The following SLC25A12 variants were observed in gnomAD, a reference collection of about 807,000 sequenced individuals.
SLC25A12 encodes the protein electrogenic aspartate/glutamate antiporter SLC25A12, mitochondrial.
Under a neutral mutation model 83.3 loss-of-function variants are expected in SLC25A12, and 32 were observed. The ratio of observed to expected loss-of-function variants is 0.38; its 90% CI spans 0.29 to 0.52. SLC25A12 has a LOEUF of 0.52. Among genes scored for constraint, SLC25A12 ranks in the 20% least tolerant of loss-of-function variants. The probability of loss-of-function intolerance (pLI) is 0.84; values close to 1 mark genes in which losing one functional copy is unlikely to be tolerated. For synonymous variants in SLC25A12, 267 were observed against 291.1 expected (o/e 0.92, Z 0.84); for missense variants, 611 against 835.6 (o/e 0.73, Z 3.31).
At chr2:171,868,438 C>T (rs1347837646) in intron 3 of SLC25A12, among the ~76,000 whole-genome samples, 4 of 151,634 alleles carry the variant, frequency 2.6e-5, no homozygotes, top group Non-Finnish European at 2.9e-5. Flanking sequence ...CTCAGCCTCC[C>T]GAGTAGCTGG....
intron 2 of SLC25A12, among the ~76,000 whole-genome samples, chr2:171,875,501 GGAGA>G (rs944448615): frequency 2.6e-5 from 4 of 152,060 alleles, no homozygotes; most frequent in Admixed American, 6.6e-5. Context: ...ATTAGAGCGG[GGAGA>G]GAGAGAAAGG....
chr2:171,887,268 C>T (rs961274086), intron 2 of SLC25A12, among the ~76,000 whole-genome samples: 4 of 152,018 alleles, frequency 2.6e-5, no homozygotes, highest in Non-Finnish European at 5.9e-5. Flanking sequence ...TAAAATAAGA[C>T]AGGAAAAAAG....
At chr2:171,808,893 C>T (rs1683892495) in intron 13 of SLC25A12, among the ~76,000 whole-genome samples, 1 of 151,662 alleles carries the variant, frequency 6.6e-6, no homozygotes, top group African/African-American at 2.4e-5. Flanking sequence ...TGTGATGCTC[C>T]CTGCCCTGTG....
chr2:171,880,938 A>C (rs1299529100), intron 2 of SLC25A12, among the ~76,000 whole-genome samples: 1 of 152,194 alleles, frequency 6.6e-6, no homozygotes, highest in South Asian at 2.1e-4. Flanking sequence ...ATATCCTTGA[A>C]CAAGCTACTT....
intron 8 of SLC25A12, among the ~76,000 whole-genome samples, chr2:171,828,532 C>T (rs2105880543): frequency 6.6e-6 from 1 of 152,286 alleles, no homozygotes; most frequent in South Asian, 2.1e-4. Context: ...TTTGTCATCA[C>T]CAGATTATTT....
rs1470917703 is a variant in SLC25A12, at chr2:171,881,814, G to A, written c.66+11391C>T. 4.6e-5 allele frequency among the ~76,000 whole-genome samples: 7 copies of A among 152,166 alleles called. No homozygotes were observed. In the South Asian group the frequency reaches 1.2e-3, roughly 27 times the overall value. On this transcript the variant is annotated intron_variant, in intron 2 of 17. Coordinates refer to ENST00000422440, the MANE Select transcript of SLC25A12 (RefSeq NM_003705.5). ...GCAATCTGTGTTGAACAGATCTGCT[G>A]AAAATAATGAGCCATGGGATGGGAG...
At chr2:171,859,437 A>T (rs1106128) in intron 3 of SLC25A12, among the ~76,000 whole-genome samples, 238 of 152,304 alleles carry the variant, frequency 1.6e-3, no homozygotes, top group African/African-American at 5.6e-3. Context: ...GTGCCACTGC[A>T]TTTCAGCCTG....
chr2:171,829,166 A>G (rs1350092628), intron 8 of SLC25A12, among the ~76,000 whole-genome samples: 1 of 152,228 alleles, frequency 6.6e-6, no homozygotes, highest in Non-Finnish European at 1.5e-5. Flanking sequence ...TTTTTTAACC[A>G]TAATATTGTA....
chr2:171,819,444 A>G (rs1248635721), intron 9 of SLC25A12, among the ~76,000 whole-genome samples: 2 of 77,082 alleles, frequency 2.6e-5, no homozygotes, highest in Non-Finnish European at 5.4e-5. Flanking sequence ...AATATATAAT[A>G]TATAATACTT....
At chr2:171,819,865 TA>T (rs1251024505) in intron 9 of SLC25A12, among the ~76,000 whole-genome samples, 2 of 152,016 alleles carry the variant, frequency 1.3e-5, no homozygotes, top group Non-Finnish European at 2.9e-5. Flanking sequence ...AAAATAAAGA[TA>T]AAAGTAATTC....
intron 2 of SLC25A12, among the ~76,000 whole-genome samples, chr2:171,891,666 GA>G (rs1446499408): frequency 6.6e-6 from 1 of 152,110 alleles, no homozygotes; most frequent in Non-Finnish European, 1.5e-5. Context: ...ACTTAGTCTA[GA>G]ACATAAAATT....
rs780554394 is a variant in SLC25A12 at position 171,893,249 on chromosome 2, T to C, written c.22A>G (p.Thr8Ala). The change falls in exon 2 of 18, where the codon ACT (threonine) becomes GCT (alanine). Residue 8 changes from threonine (T) to alanine (A), a missense_variant. Thr to Ala is a moderately conservative substitution (Grantham distance 58). Transcript: ENST00000422440. ...AACTCATGAGGATCCCCTCGCTTAG[T>C]TGTCTGCACCTGTAAGCAAAAAAGA... MAVKVQTTKRGDPHELRN... is the reference protein window; with the variant it reads MAVKVQTAKRGDPHELRN... 4.3e-6 allele frequency: 7 copies of C among 1,614,000 alleles called. No homozygotes were observed. The highest frequency in any genetic ancestry group is 1.3e-5 in the African/African-American group (1 of 74,936).
Position 171,791,569 on chromosome 2 carries a change from G to C in SLC25A12, c.1467C>G (p.Leu489=). ...GLYKGAKACF[L]RDIPFSAIYF... ...AGATTGCAGAGAAGGGAATGTCTCG[G>C]AGGAAACACGCTTTGGCACCCTGTC... The change falls in exon 15 of 18, where the codon CTC becomes CTG. Residue 489 remains leucine (L), a synonymous_variant. Coordinates refer to ENST00000422440, the MANE Select transcript of SLC25A12 (RefSeq NM_003705.5). The C allele has an allele frequency of 6.2e-7, 1 of 1,614,070 alleles. No individual in the cohort carries two copies. Among genetic ancestry groups the C allele is most frequent in the Non-Finnish European group, 8.5e-7 (1 of 1,179,938 alleles).
chr2:171,886,645 G>A (rs1685826965), intron 2 of SLC25A12, among the ~76,000 whole-genome samples: 2 of 151,964 alleles, frequency 1.3e-5, no homozygotes, highest in African/African-American at 4.8e-5. Flanking sequence ...GAGTAGCTGG[G>A]ACTACAGGCA....
At chr2:171,786,914 A>G (rs1690499433) in intron 17 of SLC25A12, among the ~76,000 whole-genome samples, 1 of 152,266 alleles carries the variant, frequency 6.6e-6, no homozygotes, top group Non-Finnish European at 1.5e-5. Context: ...GAAAATGCAC[A>G]AAAGTGTTAC....
At chr2:171,822,161 C>G (rs1024429649) in intron 9 of SLC25A12, among the ~76,000 whole-genome samples, 3 of 152,172 alleles carry the variant, frequency 2.0e-5, no homozygotes, top group Non-Finnish European at 4.4e-5. Context: ...TCCCCTTCTA[C>G]CTAATGGAAG....
At chr2:171,831,889 ACT>A (rs1333701718) in intron 8 of SLC25A12, among the ~76,000 whole-genome samples, 2 of 112,486 alleles carry the variant, frequency 1.8e-5, no homozygotes, top group African/African-American at 6.4e-5. Flanking sequence ...ACAGAGCAAG[ACT>A]CTGTCTCAAA....
intron 2 of SLC25A12, among the ~76,000 whole-genome samples, chr2:171,880,365 C>G (rs1257079362): frequency 2.0e-5 from 3 of 152,206 alleles, no homozygotes; most frequent in Non-Finnish European, 2.9e-5. Flanking sequence ...TCACTGCAAC[C>G]TCCACCTCCC....
chr2:171,809,357 C>T (rs1219386490), intron 13 of SLC25A12: 1 of 506,308 alleles, frequency 2.0e-6, no homozygotes, highest in Non-Finnish European at 3.6e-6. Flanking sequence ...CACATCCTCT[C>T]CAGCATCTGT....
Sources: gnomAD v4.1 joint callset for allele counts (sites outside exome capture counted in the v4.1 genomes callset) on GRCh38, gnomAD v4.1.1 for gene constraint, MANE v1.5 for transcripts, NCBI Gene and HGNC (gene_info 2026-07-23, HGNC 2026-07-21) for gene names.